The following BARX2 variants were observed in gnomAD, a reference collection of about 807,000 sequenced individuals.
BARX2 encodes the protein BARX homeobox 2.
BARX2 carries 11 observed loss-of-function variants against 25.5 expected under a neutral mutation model. The observed-to-expected ratio is 0.43, with a 90% confidence interval of 0.27 to 0.71. BARX2 has a LOEUF of 0.71. Among genes scored for constraint, BARX2 ranks in the 30% least tolerant of loss-of-function variants. The probability of loss-of-function intolerance (pLI) is 0.19; values close to 1 mark genes in which losing one functional copy is unlikely to be tolerated. For missense variants in BARX2, 360 were observed against 359.9 expected (o/e 1.00, Z 0.00); for synonymous variants, 137 against 149.5 (o/e 0.92, Z 0.61).
intron 1 of BARX2, among the ~76,000 whole-genome samples, chr11:129,420,062 AG>A (rs1478631025): frequency 6.6e-6 from 1 of 152,126 alleles, no homozygotes; most frequent in Non-Finnish European, 1.5e-5. Flanking sequence ...ATGAGCACAA[AG>A]GCATGAGCCA....
At position 129,432,564 on chromosome 11, in the gene BARX2, G is replaced by A. The variant is rs538820471; in HGVS notation, c.188-4187G>A. Among the ~76,000 whole-genome samples, 162 of 152,280 alleles carry A rather than the reference G, an allele frequency of 1.1e-3. 1 individual carries two copies. The highest frequency in any genetic ancestry group is 3.8e-3 in the African/African-American group (157 of 41,566). On this transcript the variant is annotated intron_variant, in intron 1 of 3. Transcript: ENST00000281437. Reference sequence around the variant, plus strand: ...AACACCCACAATGTTTGTTTTACTAGAAGTGTCATAAAACTAAACACATTT... The same window carrying A: ...AACACCCACAATGTTTGTTTTACTAAAAGTGTCATAAAACTAAACACATTT...
intron 1 of BARX2, among the ~76,000 whole-genome samples, chr11:129,379,376 C>G (rs892704963): frequency 8.6e-5 from 13 of 152,042 alleles, no homozygotes; most frequent in African/African-American, 3.1e-4. Flanking sequence ...AACAGTAATC[C>G]CTACTCAGAA....
At chr11:129,401,546 G>T (rs1432218127) in intron 1 of BARX2, among the ~76,000 whole-genome samples, 1 of 152,204 alleles carries the variant, frequency 6.6e-6, no homozygotes, top group Non-Finnish European at 1.5e-5. Context: ...CACAAGATCA[G>T]AAAGAGCAAC....
intron 1 of BARX2, among the ~76,000 whole-genome samples, chr11:129,419,348 C>A (rs761136825): frequency 6.6e-6 from 1 of 152,194 alleles, no homozygotes; most frequent in Non-Finnish European, 1.5e-5. Context: ...GCTGTAGGAA[C>A]TTCACTCTTG....
chr11:129,414,598 C>T (rs1436609473), intron 1 of BARX2, among the ~76,000 whole-genome samples: 1 of 152,144 alleles, frequency 6.6e-6, no homozygotes, highest in African/African-American at 2.4e-5. Context: ...CTTCCATAAC[C>T]CTATGGTTAC....
At chr11:129,420,401 C>G (rs1193336980) in intron 1 of BARX2, among the ~76,000 whole-genome samples, 1 of 152,236 alleles carries the variant, frequency 6.6e-6, no homozygotes, top group East Asian at 1.9e-4. Flanking sequence ...GAACAGAACA[C>G]TCGTTTTCTC....
chr11:129,409,354 G>GT (rs1259661870), intron 1 of BARX2, among the ~76,000 whole-genome samples: 1 of 151,840 alleles, frequency 6.6e-6, no homozygotes, highest in Non-Finnish European at 1.5e-5. Context: ...TCTTCAGTGT[G>GT]TTTTTTTTAA....
chr11:129,406,640 C>G (rs1459936569), intron 1 of BARX2, among the ~76,000 whole-genome samples: 1 of 152,166 alleles, frequency 6.6e-6, no homozygotes, highest in Non-Finnish European at 1.5e-5. Flanking sequence ...GCTCTGCTCT[C>G]TGAGAAGGGA....
intron 2 of BARX2, chr11:129,437,584 A>C: frequency 1.1e-6 from 1 of 893,844 alleles, no homozygotes; most frequent in Non-Finnish European, 1.3e-6. Flanking sequence ...GAACCATTTG[A>C]CTGAGACCCA....
At chr11:129,439,416 C>T (rs1190177136) in intron 2 of BARX2, among the ~76,000 whole-genome samples, 2 of 152,116 alleles carry the variant, frequency 1.3e-5, no homozygotes, top group Non-Finnish European at 2.9e-5. Context: ...CTCCTAATGC[C>T]ATCCCTCCCC....
chr11:129,438,905 A>T (rs943769395), intron 2 of BARX2, among the ~76,000 whole-genome samples: 2 of 152,208 alleles, frequency 1.3e-5, no homozygotes, highest in Admixed American at 1.3e-4. Flanking sequence ...TGATTCCAGG[A>T]GGGACAGGAA....
At chr11:129,380,030 A>G (rs1861544666) in intron 1 of BARX2, among the ~76,000 whole-genome samples, 1 of 151,896 alleles carries the variant, frequency 6.6e-6, no homozygotes. Flanking sequence ...TCATAAAATC[A>G]TAGATCAATA....
At chr11:129,418,312 C>T (rs1194778768) in intron 1 of BARX2, among the ~76,000 whole-genome samples, 2 of 152,216 alleles carry the variant, frequency 1.3e-5, no homozygotes, top group Non-Finnish European at 2.9e-5. Flanking sequence ...TCTGAGTTCT[C>T]TGCCCACGGG....
In BARX2 at chr11:129,451,495, G is replaced by T; in HGVS notation, c.*93G>T. On this transcript the variant is annotated 3_prime_UTR_variant, in exon 4 of 4. Coordinates refer to ENST00000281437, the MANE Select transcript of BARX2 (RefSeq NM_003658.5). ...GGAGAGAAAACCTTCCAGCAGCCCA[G>T]TAAACTGCGGGCGAAGAGATCTACC... is the stretch of plus-strand genomic sequence containing the variant. The T allele has an allele frequency of 7.1e-7, 1 of 1,410,550 alleles. No homozygotes were observed. The highest frequency in any genetic ancestry group is 2.5e-5 in the East Asian group (1 of 39,248). 87.4% of individuals were successfully genotyped at this position (1,410,550 alleles called of 1,614,324 possible). A position where few individuals can be genotyped will look rare whatever the true frequency, so the allele number is the denominator to read the frequency against.
chr11:129,385,185 C>T (rs902341551), intron 1 of BARX2, among the ~76,000 whole-genome samples: 3 of 152,278 alleles, frequency 2.0e-5, no homozygotes, highest in Non-Finnish European at 4.4e-5. Context: ...CAGGCATTCT[C>T]CACACTCCGG....
chr11:129,385,205 T>C (rs143995625), intron 1 of BARX2, among the ~76,000 whole-genome samples: 11 of 152,172 alleles, frequency 7.2e-5, no homozygotes, highest in Non-Finnish European at 1.5e-5. Flanking sequence ...GCGGGAGTGC[T>C]GTATGGTACG....
intron 1 of BARX2, among the ~76,000 whole-genome samples, chr11:129,414,420 G>A (rs1861922616): frequency 6.6e-6 from 1 of 152,058 alleles, no homozygotes; most frequent in South Asian, 2.1e-4. Context: ...TTGGACTCTG[G>A]TAATACTTCT....
chr11:129,428,852 T>C (rs930743391), intron 1 of BARX2, among the ~76,000 whole-genome samples: 3 of 152,204 alleles, frequency 2.0e-5, no homozygotes, highest in Non-Finnish European at 2.9e-5. Flanking sequence ...GCTTTGTGTG[T>C]GCGCCTCCAA....
intron 1 of BARX2, among the ~76,000 whole-genome samples, chr11:129,430,060 G>C (rs564748386): frequency 2.6e-4 from 40 of 151,936 alleles, no homozygotes; most frequent in Admixed American, 9.2e-4. Flanking sequence ...CTCCACAGAG[G>C]GCAGCCCTTG....
Sources: gnomAD v4.1 joint callset for allele counts (sites outside exome capture counted in the v4.1 genomes callset) on GRCh38, gnomAD v4.1.1 for gene constraint, MANE v1.5 for transcripts, NCBI Gene and HGNC (gene_info 2026-07-23, HGNC 2026-07-21) for gene names.